The following USP5 variants were observed in gnomAD, a reference collection of about 807,000 sequenced individuals.
The protein encoded by USP5 is ubiquitin specific peptidase 5, also known as ubiquitin carboxyl-terminal hydrolase 5.
USP5 carries 24 observed loss-of-function variants against 102.5 expected under a neutral mutation model. The ratio of observed to expected loss-of-function variants is 0.23; its 90% CI spans 0.17 to 0.33. The LOEUF is 0.33. USP5 is among the 10% of genes least tolerant of loss of function. The pLI is 1.00. For synonymous variants in USP5, 460 were observed against 434.8 expected (o/e 1.06, Z -0.72); for missense variants, 753 against 1,122.1 (o/e 0.67, Z 4.70).
chr12:6,854,166 G>A (rs868936417), intron 1 of USP5, among the ~76,000 whole-genome samples: 1 of 152,232 alleles, frequency 6.6e-6, no homozygotes, highest in Admixed American at 6.5e-5. Flanking sequence ...CACGGGTTAT[G>A]TGTGTTCTAG....
rs782217204 is a variant in USP5, at chr12:6,864,516, C to T, written c.2245-206C>T. On this transcript the variant is annotated intron_variant, in intron 17 of 19. Transcript: ENST00000229268. The surrounding 1 kb of genome is among the most constrained non-coding windows in gnomAD (Gnocchi z 4.8). ...CATCCTGGCTAACACGGTGAAACCC[C>T]GTCTCTACGAAAAATACAAAAAATT... Among the ~76,000 whole-genome samples, 171 of 152,268 alleles carry T rather than the reference C, an allele frequency of 1.1e-3. No individual in the cohort carries two copies. The highest frequency in any genetic ancestry group is 3.8e-3 in the African/African-American group (159 of 41,536).
chr12:6,862,640 C>A, intron 14 of USP5, 82 bp downstream of exon 14: 1 of 1,308,760 alleles, frequency 7.6e-7, no homozygotes, highest in Non-Finnish European at 1.1e-6. Flanking sequence ...TAGTGTTTCT[C>A]AAAGTTTCCT....
At position 6,864,891 on chromosome 12, in the gene USP5, AAGC is replaced by A; in HGVS notation, c.2398+19_2398+21del. ...GGTCCTGGAAGTGAGTATCCCCAGGAAGCAGGACAGGCCTGGTGGAATCTGGTC... is the reference window on the plus strand; with the variant it reads ...GGTCCTGGAAGTGAGTATCCCCAGGAAGGACAGGCCTGGTGGAATCTGGTC... On this transcript the variant is annotated intron_variant, in intron 18 of 19. Coordinates refer to ENST00000229268, the MANE Select transcript of USP5 (RefSeq NM_001098536.2). This position sits in a 1 kb window ranked among gnomAD's most constrained non-coding sequence, Gnocchi z 4.8. The A allele has an allele frequency of 6.2e-7, 1 of 1,611,208 alleles. No individual in the cohort carries two copies. Among genetic ancestry groups the A allele is most frequent in the Non-Finnish European group, 8.5e-7 (1 of 1,178,654 alleles).
At chr12:6,862,796 T>G (rs1354437533) in intron 14 of USP5, among the ~76,000 whole-genome samples, 4 of 152,256 alleles carry the variant, frequency 2.6e-5, no homozygotes, top group African/African-American at 7.2e-5. Flanking sequence ...AAATAATTGG[T>G]AAAATGTTTT....
At chr12:6,862,706 C>T (rs1485223891) in intron 14 of USP5, 148 bp downstream of exon 14, 3 of 667,506 alleles carry the variant, frequency 4.5e-6, no homozygotes, top group South Asian at 2.0e-5. Context: ...AGTTTGAAAG[C>T]ACTAACTAAA....
In USP5 at chr12:6,866,265, G is replaced by A. The variant is rs1265996148; in HGVS notation, c.*188G>A. ...CAGAGGGGCAGCGATAGACTCTGGG[G>A]ATGGAGCAGGACGGGGACGGGAGGG... is the stretch of plus-strand genomic sequence containing the variant. On this transcript the variant is annotated 3_prime_UTR_variant, in exon 20 of 20. Transcript: ENST00000229268. This position sits in a 1 kb window ranked among gnomAD's most constrained non-coding sequence, Gnocchi z 4.7. 8 of 602,256 alleles carry A rather than the reference G, an allele frequency of 1.3e-5. No homozygotes were observed. The highest frequency in any genetic ancestry group is 2.1e-5 in the Non-Finnish European group (7 of 340,784). The allele number at this position is 602,256 out of a possible 1,614,324, so 37.3% of individuals were successfully genotyped here. A position where few individuals can be genotyped will look rare whatever the true frequency, so the allele number is the denominator to read the frequency against.
rs1555128069 is a variant in USP5, at chr12:6,855,807, C to T, written c.290C>T (p.Thr97Met). 1.2e-5 allele frequency: 19 copies of T among 1,614,088 alleles called. No individual in the cohort carries two copies. The highest frequency in any genetic ancestry group is 2.7e-5 in the African/African-American group (2 of 74,954). Residue 97 changes from threonine to methionine, a missense_variant, in exon 3 of 20, where the codon ACG (threonine) becomes ATG (methionine). Thr to Met is a moderately conservative substitution (Grantham distance 81). Coordinates refer to ENST00000229268, the MANE Select transcript of USP5 (RefSeq NM_001098536.2). This position sits in a 1 kb window ranked among gnomAD's most constrained non-coding sequence, Gnocchi z 4.6. ...GTGDPPRKKPTRLAIGVEGGF... is the reference protein window; with the variant it reads ...GTGDPPRKKPMRLAIGVEGGF... ...GGAGACCCACCCCGGAAGAAGCCCACGCGGCTGGCTATTGGTGAGCACCGC... is the reference window on the plus strand; with the variant it reads ...GGAGACCCACCCCGGAAGAAGCCCATGCGGCTGGCTATTGGTGAGCACCGC...
chr12:6,864,251 T>A lies in USP5; in HGVS notation c.2244+56T>A. On this transcript the variant is annotated intron_variant, in intron 17 of 19. Coordinates refer to ENST00000229268, the MANE Select transcript of USP5 (RefSeq NM_001098536.2). This position sits in a 1 kb window ranked among gnomAD's most constrained non-coding sequence, Gnocchi z 4.8. ...CCAGTGGGGAAGAAGGGGGTGGGAATGAGGGGCCATCCTTCTTGAGCAAGA... is the reference window on the plus strand; with the variant it reads ...CCAGTGGGGAAGAAGGGGGTGGGAAAGAGGGGCCATCCTTCTTGAGCAAGA... 1 of 1,524,648 alleles carries A rather than the reference T, an allele frequency of 6.6e-7. No individual in the cohort carries two copies. Among genetic ancestry groups the A allele is most frequent in the Admixed American group, 2.1e-5 (1 of 47,412 alleles). 94.4% of individuals were successfully genotyped at this position (1,524,648 alleles called of 1,614,324 possible). A position where few individuals can be genotyped will look rare whatever the true frequency, so the allele number is the denominator to read the frequency against.
At chr12:6,854,853 T>C (rs1428949915) in intron 1 of USP5, among the ~76,000 whole-genome samples, 2 of 152,156 alleles carry the variant, frequency 1.3e-5, no homozygotes, top group Non-Finnish European at 2.9e-5. Context: ...TCTGCTCCTC[T>C]GGTCTGGAAG....
intron 1 of USP5, among the ~76,000 whole-genome samples, chr12:6,853,480 C>T (rs945732641): frequency 7.9e-5 from 12 of 152,346 alleles, no homozygotes; most frequent in African/African-American, 2.9e-4. Context: ...GGTTCCCAAT[C>T]CTTGGTGAAA....
At position 6,852,304 on chromosome 12, in the gene USP5, C is replaced by G; in HGVS notation, c.111+14C>G. 2 of 1,598,994 alleles carry G rather than the reference C, an allele frequency of 1.3e-6. No homozygotes were observed. The highest frequency in any genetic ancestry group is 1.7e-6 in the Non-Finnish European group (2 of 1,172,756). On this transcript the variant is annotated intron_variant, in intron 1 of 19. Coordinates refer to ENST00000229268, the MANE Select transcript of USP5 (RefSeq NM_001098536.2). The stretch of plus-strand genomic sequence containing the variant: ...TTCGACACGCCGGTAAGCCCATTCC[C>G]CACGCCCGCAACGAGCACGACTTCC...
chr12:6,858,375 C>T lies in USP5; in HGVS notation c.865-49C>T. On this transcript the variant is annotated intron_variant, in intron 7 of 19. Coordinates refer to ENST00000229268, the MANE Select transcript of USP5 (RefSeq NM_001098536.2). This position sits in a 1 kb window ranked among gnomAD's most constrained non-coding sequence, Gnocchi z 4.2. ...ACTCAGTGAGAGATCGAGGTAAAAA[C>T]TACAGGGTTGAGTTTCTCACTCAGT... 1 of 1,574,014 alleles carries T rather than the reference C, an allele frequency of 6.4e-7. No individual in the cohort carries two copies. The highest frequency in any genetic ancestry group is 1.3e-5 in the African/African-American group (1 of 74,404).
In USP5 at chr12:6,864,190, G is replaced by T; in HGVS notation, c.2239G>T (p.Ala747Ser). The T allele has an allele frequency of 6.2e-7, 1 of 1,606,420 alleles. No homozygotes were observed. Residue 747 changes from alanine to serine, a missense_variant, in exon 17 of 20, where the codon GCC becomes TCC. Around this residue, in one of 3 missense-constraint regions of USP5, gnomAD observed 193 missense variants for 230.2 expected, o/e 0.84. Coordinates refer to ENST00000229268, the MANE Select transcript of USP5 (RefSeq NM_001098536.2). The surrounding 1 kb of genome is among the most constrained non-coding windows in gnomAD (Gnocchi z 4.8). ...GGACCAGGCCTTGAAAGCGCTGCGGGCCACGGTATGGGCTGCCCCAGCTAA... is the reference window on the plus strand; with the variant it reads ...GGACCAGGCCTTGAAAGCGCTGCGGTCCACGGTATGGGCTGCCCCAGCTAA... ...SRDQALKALR[A>S]TNNSLERAVD...
intron 7 of USP5, 86 bp downstream of exon 7, chr12:6,857,809 G>A (rs1944164530): frequency 7.3e-7 from 1 of 1,367,746 alleles, no homozygotes; most frequent in Non-Finnish European, 1.0e-6. Context: ...GTAGGGTTTT[G>A]GAGAAATCTT....
rs1195131354 is a variant in USP5, at chr12:6,858,083, C to G, written c.865-341C>G. On this transcript the variant is annotated intron_variant, in intron 7 of 19. Coordinates refer to ENST00000229268, the MANE Select transcript of USP5 (RefSeq NM_001098536.2). The surrounding 1 kb of genome is among the most constrained non-coding windows in gnomAD (Gnocchi z 4.2). ...GTAATTGACAGCAGGGTGGCCTGGC[C>G]TAGTTTAGGGATCAGGGACATTTCC... Among the ~76,000 whole-genome samples the G allele has an allele frequency of 6.6e-6, 1 of 152,152 alleles. No individual in the cohort carries two copies. The highest frequency in any genetic ancestry group is 1.9e-4 in the East Asian group (1 of 5,194).
Position 6,863,346 on chromosome 12 carries a change from C to A in USP5, c.1923C>A (p.Ser641=). 6.2e-7 allele frequency: 1 copy of A among 1,614,144 alleles called. No homozygotes were observed. Among genetic ancestry groups the A allele is most frequent in the Non-Finnish European group, 8.5e-7 (1 of 1,180,004 alleles). The part of the protein sequence containing the change: ...LGFYGNEDED[S]FCSPHFSSPT... ...TCTATGGCAACGAAGACGAAGACTC[C>A]TTCTGCTCCCCTCACTTCTCCTCTC... Residue 641 remains serine (S), a synonymous_variant, in exon 15 of 20, where the codon TCC becomes TCA. Transcript: ENST00000229268. This position sits in a 1 kb window ranked among gnomAD's most constrained non-coding sequence, Gnocchi z 4.7.
chr12:6,865,858 G>C, intron 19 of USP5, 126 bp from the exon 20 acceptor site: 1 of 780,710 alleles, frequency 1.3e-6, no homozygotes, highest in South Asian at 1.6e-5. Flanking sequence ...TGGTGGCTGG[G>C]CTGTGGATTT....
intron 1 of USP5, among the ~76,000 whole-genome samples, chr12:6,854,789 T>A (rs1944059827): frequency 6.6e-6 from 1 of 150,966 alleles, no homozygotes; most frequent in Admixed American, 6.6e-5. Flanking sequence ...AAAGGAAAGG[T>A]AATTTTGCTT....
chr12:6,863,248 C>T lies in USP5; in HGVS notation c.1825C>T (p.Pro609Ser), dbSNP rs61761597. Residue 609 changes from proline to serine, a missense_variant, in exon 15 of 20, where the codon CCC becomes TCC. By Grantham distance (74) the Pro-to-Ser change is moderately conservative (BLOSUM62 -1). Around this residue, in one of 3 missense-constraint regions of USP5, gnomAD observed 527 missense variants for 816.5 expected, o/e 0.65. Coordinates refer to ENST00000229268, the MANE Select transcript of USP5 (RefSeq NM_001098536.2). The surrounding 1 kb of genome is among the most constrained non-coding windows in gnomAD (Gnocchi z 4.7). Reference sequence around the variant, plus strand: ...CCAGTTGAGGGGCACAGGGCTGCAGCCCGGAGAGGAGGAGCTGCCAGACAT... The same window carrying T: ...CCAGTTGAGGGGCACAGGGCTGCAGTCCGGAGAGGAGGAGCTGCCAGACAT... ...ISQLRGTGLQ[P>S]GEEELPDIAP... 198 of 1,614,032 alleles carry T rather than the reference C, an allele frequency of 1.2e-4. No homozygotes were observed. Among genetic ancestry groups the T allele is most frequent in the Non-Finnish European group, 1.6e-4 (194 of 1,180,034 alleles).
Sources: gnomAD v4.1 joint callset for allele counts (sites outside exome capture counted in the v4.1 genomes callset) on GRCh38, gnomAD v4.1.1 for gene constraint, gnomAD v4.1.1 regional missense constraint, Gnocchi (gnomAD v3.1) non-coding constraint, MANE v1.5 for transcripts, NCBI Gene and HGNC (gene_info 2026-07-23, HGNC 2026-07-21) for gene names.